Variants in CEP350 observed in about 807,000 individuals in gnomAD.
CEP350 encodes centrosome-associated protein 350.
In CEP350, 126 loss-of-function variants were observed where a neutral mutation model predicts 331.8. The ratio of observed to expected loss-of-function variants is 0.38; its 90% confidence interval spans 0.33 to 0.44. The LOEUF (loss-of-function observed/expected upper bound fraction) is 0.44. Among genes scored for constraint, CEP350 ranks in the 20% least tolerant of loss-of-function variants. CEP350 has a pLI of 1.00. For missense variants in CEP350, 3,406 were observed against 3,634.6 expected, an observed-to-expected ratio of 0.94 and a Z score of 1.62; for synonymous variants, 1,200 against 1,259.5, an observed-to-expected ratio of 0.95 and a Z score of 1.00.
intron 22 of CEP350, among the ~76,000 whole-genome samples, chr1:180,049,571 G>A (rs1657352848): frequency 7.0e-6 from 1 of 143,762 alleles, no homozygotes; most frequent in Non-Finnish European, 1.5e-5. Flanking sequence ...TTGAGACAGA[G>A]TCTTGTTCTG....
At chr1:179,991,681 G>T (rs1653088095) in intron 4 of CEP350, among the ~76,000 whole-genome samples, 1 of 114,466 alleles carries the variant, frequency 8.7e-6, no homozygotes, top group Non-Finnish European at 1.9e-5. Context: ...GTGTGTGTGT[G>T]TGTGTGTGTG....
At chr1:180,084,218 T>C (rs1571975341) in intron 31 of CEP350, 40 bp downstream of exon 31, 7 of 1,514,878 alleles carry the variant, frequency 4.6e-6, no homozygotes, top group Non-Finnish European at 6.2e-6. Context: ...TCAAGGCTAA[T>C]GTGTATGTGA....
chr1:180,089,412 A>G (rs1014927057), intron 32 of CEP350, among the ~76,000 whole-genome samples: 4 of 152,126 alleles, frequency 2.6e-5, no homozygotes, highest in African/African-American at 9.6e-5. Flanking sequence ...GTGAAACCCC[A>G]TCTCTACTAA....
In CEP350 at chr1:180,041,733, G is replaced by C. The variant is rs750218144; in HGVS notation, c.4293G>C (p.Thr1431=). 10 of 1,613,112 alleles carry C rather than the reference G, an allele frequency of 6.2e-6. No homozygotes were observed. Among genetic ancestry groups the C allele is most frequent in the Non-Finnish European group, 7.6e-6 (9 of 1,179,574 alleles). ...TAACTGAAGTCCTGCAGGAAGCAAC[G>C]TGTAAAATAGCAGCTCAGCAGTCAG... The part of the protein sequence containing the change: ...REVTEVLQEA[T]CKIAAQQSET... The change falls in exon 19 of 38, where the codon ACG becomes ACC. Residue 1431 remains threonine, a synonymous_variant. Coordinates refer to ENST00000367607, the MANE Select transcript of CEP350 (RefSeq NM_014810.5).
Position 180,006,586 on chromosome 1 carries a change from T to A in CEP350, c.1246+19T>A. 1 of 1,167,362 alleles carries A rather than the reference T, an allele frequency of 8.6e-7. No homozygotes were observed. Among genetic ancestry groups the A allele is most frequent in the Non-Finnish European group, 1.2e-6 (1 of 808,908 alleles). 72.3% of individuals were successfully genotyped at this position (1,167,362 alleles called of 1,614,324 possible). On this transcript the variant is annotated intron_variant, in intron 8 of 37. Coordinates refer to ENST00000367607, the MANE Select transcript of CEP350 (RefSeq NM_014810.5). ...AGAACAGGTTAGTTTTCTCAACATG[T>A]CCATCCTTTTTTTTTGTTTTTAATT...
At chr1:180,052,698 A>C (rs986715819) in intron 22 of CEP350, among the ~76,000 whole-genome samples, 3 of 151,946 alleles carry the variant, frequency 2.0e-5, no homozygotes, top group Non-Finnish European at 2.9e-5. Context: ...CTATAGGTGC[A>C]TTAGTGGTTT....
At chr1:180,102,311 T>G (rs1660871825) in intron 37 of CEP350, among the ~76,000 whole-genome samples, 1 of 152,012 alleles carries the variant, frequency 6.6e-6, no homozygotes, top group Non-Finnish European at 1.5e-5. Flanking sequence ...AATTTTTGTA[T>G]TTTTAGTAGA....
chr1:180,017,387 C>T (rs1318148232), intron 11 of CEP350, among the ~76,000 whole-genome samples: 5 of 152,126 alleles, frequency 3.3e-5, no homozygotes, highest in Admixed American at 2.6e-4. Context: ...TTCTAAGTGT[C>T]GTCTCTGGAG....
At chr1:180,046,782 G>A (rs1657151936) in intron 21 of CEP350, among the ~76,000 whole-genome samples, 1 of 152,060 alleles carries the variant, frequency 6.6e-6, no homozygotes, top group Admixed American at 6.6e-5. Flanking sequence ...ATGCATACTT[G>A]TATCACCAGA....
At chr1:180,084,385 G>A in intron 31 of CEP350, 1 of 365,500 alleles carries the variant, frequency 2.7e-6, no homozygotes, top group East Asian at 5.4e-5. Context: ...TTATTTTTGA[G>A]ATGGAATCTC....
intron 19 of CEP350, among the ~76,000 whole-genome samples, 177 bp downstream of exon 19, chr1:180,041,979 T>G (rs1656788113): frequency 6.6e-6 from 1 of 152,188 alleles, no homozygotes; most frequent in Non-Finnish European, 1.5e-5. Flanking sequence ...GTGTTGTACA[T>G]GTGATTGAAT....
chr1:179,988,046 C>A (rs964511292), intron 3 of CEP350, among the ~76,000 whole-genome samples: 8 of 152,072 alleles, frequency 5.3e-5, no homozygotes, highest in African/African-American at 1.9e-4. Flanking sequence ...CCTGTAATCC[C>A]AGCACTTTGG....
At chr1:180,106,300 G>A (rs542939943) in intron 37 of CEP350, among the ~76,000 whole-genome samples, 6 of 152,274 alleles carry the variant, frequency 3.9e-5, no homozygotes, top group South Asian at 4.1e-4. Context: ...CTGTCTCTAC[G>A]TCTTTCTCAT....
chr1:179,961,796 T>TA (rs1479251919), intron 1 of CEP350, among the ~76,000 whole-genome samples: 14 of 152,160 alleles, frequency 9.2e-5, no homozygotes. Context: ...ATCACTGAAA[T>TA]AGCGAACATA....
intron 14 of CEP350, among the ~76,000 whole-genome samples, chr1:180,028,698 A>G (rs1655827482): frequency 6.6e-6 from 1 of 152,006 alleles, no homozygotes; most frequent in Admixed American, 6.6e-5. Context: ...CAGCTACTGG[A>G]GAGGCTCAGG....
chr1:180,032,748 A>G lies in CEP350; in HGVS notation c.3726-1114A>G, dbSNP rs554329970. Among the ~76,000 whole-genome samples the G allele has an allele frequency of 2.0e-5, 3 of 152,110 alleles. No homozygotes were observed. The South Asian group carries it at 6.2e-4, about 31-fold the overall frequency. ...AATATACTTTTAGAAATGCTAGTCT[A>G]GCTAAATTTTATCTGCATAGCAAAT... is the stretch of plus-strand genomic sequence containing the variant. On this transcript the variant is annotated intron_variant, in intron 15 of 37. Coordinates refer to ENST00000367607, the MANE Select transcript of CEP350 (RefSeq NM_014810.5).
chr1:179,986,555 G>A (rs1250845703), intron 2 of CEP350, among the ~76,000 whole-genome samples: 2 of 151,972 alleles, frequency 1.3e-5, no homozygotes, highest in Admixed American at 6.6e-5. Flanking sequence ...GACTTATAGG[G>A]GTACAGATAA....
At chr1:180,108,826 C>G (rs1049716224) in intron 37 of CEP350, among the ~76,000 whole-genome samples, 1 of 152,188 alleles carries the variant, frequency 6.6e-6, no homozygotes, top group Non-Finnish European at 1.5e-5. Flanking sequence ...CAATGTAACT[C>G]TCCCAGAGGG....
intron 29 of CEP350, 33 bp downstream of exon 29, chr1:180,078,707 C>A: frequency 1.3e-6 from 2 of 1,525,976 alleles, no homozygotes; most frequent in East Asian, 2.4e-5. Flanking sequence ...CTTAAAGATT[C>A]TCTAGAAAAA....
Sources: gnomAD v4.1 joint callset for allele counts (sites outside exome capture counted in the v4.1 genomes callset) on GRCh38, gnomAD v4.1.1 for gene constraint, MANE v1.5 for transcripts, NCBI Gene and HGNC (gene_info 2026-07-23, HGNC 2026-07-21) for gene names.